NAA16: variants seen among roughly 807,000 people sequenced by gnomAD.
NAA16 encodes the protein N-alpha-acetyltransferase 16, NatA auxiliary subunit.
NAA16 carries 97 observed loss-of-function variants against 110.3 expected under a neutral mutation model. The observed-to-expected ratio is 0.88, with a 90% CI of 0.75 to 1.04. The LOEUF (loss-of-function observed/expected upper bound fraction) is 1.04, where lower values mean the gene tolerates loss of function less well. NAA16 is among the 50% of genes least tolerant of loss of function. The pLI is 0.00. For synonymous variants in NAA16, 372 were observed against 330.6 expected, an observed-to-expected ratio of 1.13 and a Z score of -1.36; for missense variants, 1,017 against 1,005.1, an observed-to-expected ratio of 1.01 and a Z score of -0.16.
At chr13:41,319,337 T>C (rs2041887353) in intron 3 of NAA16, among the ~76,000 whole-genome samples, 1 of 152,224 alleles carries the variant, frequency 6.6e-6, no homozygotes, top group African/African-American at 2.4e-5. Context: ...TCTTAAACTT[T>C]CTTTTAGACA....
intron 15 of NAA16, among the ~76,000 whole-genome samples, chr13:41,371,164 G>A (rs2043308978): frequency 6.6e-6 from 1 of 152,208 alleles, no homozygotes; most frequent in Non-Finnish European, 1.5e-5. Flanking sequence ...CAACTTGATG[G>A]AGATGAGTGC....
Position 41,346,295 on chromosome 13 carries a change from C to T in NAA16, c.1015-8849C>T, listed in dbSNP as rs375502608. 2.1e-4 allele frequency among the ~76,000 whole-genome samples: 32 copies of T among 152,286 alleles called. No homozygotes were observed. In the East Asian group the frequency reaches 5.2e-3, roughly 25 times the overall value. On this transcript the variant is annotated intron_variant, in intron 9 of 19. Coordinates refer to ENST00000379406, the MANE Select transcript of NAA16 (RefSeq NM_024561.5). Reference sequence around the variant, plus strand: ...GTCTAAAAAAGATTAACCATAAATGCGAGGGTTCACCTCTGGACTCTCAAG... The same window carrying T: ...GTCTAAAAAAGATTAACCATAAATGTGAGGGTTCACCTCTGGACTCTCAAG...
intron 1 of NAA16, among the ~76,000 whole-genome samples, chr13:41,314,503 C>G (rs1038616028): frequency 6.6e-6 from 1 of 152,158 alleles, no homozygotes; most frequent in African/African-American, 2.4e-5. Context: ...AGTTCCCTTC[C>G]CCAGAGGCTG....
intron 14 of NAA16, 59 bp from the exon 15 acceptor site, chr13:41,369,028 CAGA>C: frequency 1.4e-6 from 2 of 1,417,626 alleles, no homozygotes; most frequent in Admixed American, 4.7e-5. Flanking sequence ...GTATGTATTA[CAGA>C]AGAATATGAA....
chr13:41,330,205 T>G (rs2042201328), intron 7 of NAA16, among the ~76,000 whole-genome samples: 1 of 151,940 alleles, frequency 6.6e-6, no homozygotes, highest in Non-Finnish European at 1.5e-5. Context: ...TGTTTTTGTT[T>G]TTTTACCCCC....
intron 9 of NAA16, among the ~76,000 whole-genome samples, chr13:41,339,984 T>C (rs1044554329): frequency 2.6e-5 from 4 of 152,186 alleles, no homozygotes; most frequent in Non-Finnish European, 4.4e-5. Context: ...CCCAGCTTTC[T>C]TTAATGTTGA....
intron 7 of NAA16, 61 bp from the exon 8 acceptor site, chr13:41,331,213 G>A: frequency 7.1e-6 from 7 of 979,518 alleles, no homozygotes; most frequent in South Asian, 3.2e-5. Context: ...AAGTTTGTTA[G>A]CATTTTACCA....
intron 12 of NAA16, 51 bp downstream of exon 12, chr13:41,359,013 T>C (rs2043055870): frequency 6.9e-7 from 1 of 1,458,880 alleles, no homozygotes; most frequent in South Asian, 1.4e-5. Flanking sequence ...AGACAGTTTG[T>C]GAAGTTTGTC....
chr13:41,332,786 A>C (rs886524957), intron 8 of NAA16, among the ~76,000 whole-genome samples: 2 of 31,258 alleles, frequency 6.4e-5, no homozygotes, highest in African/African-American at 3.6e-4. Flanking sequence ...ATGAAAATTA[A>C]AAATTTTTAG....
At chr13:41,366,689 T>C (rs1363862991) in intron 13 of NAA16, among the ~76,000 whole-genome samples, 1 of 152,152 alleles carries the variant, frequency 6.6e-6, no homozygotes, top group Non-Finnish European at 1.5e-5. Context: ...GTTTCAGAAC[T>C]TCTGCTAAAA....
chr13:41,330,059 T>C (rs1302053679), intron 7 of NAA16, among the ~76,000 whole-genome samples: 2 of 151,964 alleles, frequency 1.3e-5, no homozygotes, highest in African/African-American at 4.8e-5. Context: ...CTTGTTGTTC[T>C]CTACGATTAG....
intron 13 of NAA16, among the ~76,000 whole-genome samples, chr13:41,366,352 G>A (rs1167347897): frequency 3.9e-5 from 6 of 152,092 alleles, no homozygotes; most frequent in Non-Finnish European, 7.4e-5. Flanking sequence ...TGTCCTCTGC[G>A]GAGTGACTTA....
chr13:41,355,955 G>A (rs901131067), intron 10 of NAA16, among the ~76,000 whole-genome samples: 18 of 152,194 alleles, frequency 1.2e-4, no homozygotes, highest in Non-Finnish European at 2.2e-4. Flanking sequence ...AATGTTTTCA[G>A]TCATGCACAA....
intron 13 of NAA16, 99 bp from the exon 14 acceptor site, chr13:41,367,340 G>A: frequency 2.6e-6 from 2 of 776,646 alleles, no homozygotes; most frequent in South Asian, 1.9e-5. Context: ...AATTGTGACT[G>A]TTTAAATTGT....
Position 41,311,319 on chromosome 13 carries a change from G to C in NAA16, c.-210G>C. 1 of 553,818 alleles carries C rather than the reference G, an allele frequency of 1.8e-6. No individual in the cohort carries two copies. Among genetic ancestry groups the C allele is most frequent in the Middle Eastern group, 3.1e-4 (1 of 3,216 alleles). 34.3% of individuals were successfully genotyped at this position (553,818 alleles called of 1,614,324 possible). ...CGCTGGCCAAAAAGCGGAGCCCAGGGGAAGCGTGTCCTGCTCAGACCGCCT... is the reference window on the plus strand; with the variant it reads ...CGCTGGCCAAAAAGCGGAGCCCAGGCGAAGCGTGTCCTGCTCAGACCGCCT... On this transcript the variant is annotated 5_prime_UTR_variant, in exon 1 of 20. Coordinates refer to ENST00000379406, the MANE Select transcript of NAA16 (RefSeq NM_024561.5).
chr13:41,367,882 T>G (rs1179652832), intron 14 of NAA16, among the ~76,000 whole-genome samples: 1 of 152,162 alleles, frequency 6.6e-6, no homozygotes, highest in African/African-American at 2.4e-5. Flanking sequence ...CTTAGAATTT[T>G]TTTTATTTTT....
chr13:41,330,812 T>C (rs778542327), intron 7 of NAA16, among the ~76,000 whole-genome samples: 5 of 152,102 alleles, frequency 3.3e-5, no homozygotes, highest in East Asian at 1.9e-4. Context: ...TATCTTCTTA[T>C]ATTTTAAACA....
intron 1 of NAA16, among the ~76,000 whole-genome samples, chr13:41,315,715 G>A (rs2041790950): frequency 6.6e-6 from 1 of 152,070 alleles, no homozygotes; most frequent in Non-Finnish European, 1.5e-5. Context: ...TCATTCTTGC[G>A]GTAGCAAAGG....
intron 13 of NAA16, 31 bp downstream of exon 13, chr13:41,362,190 C>T: frequency 6.4e-7 from 1 of 1,573,388 alleles, no homozygotes; most frequent in East Asian, 2.3e-5. Flanking sequence ...CTTCAGTTTT[C>T]ACTGTAAGGT....
Sources: gnomAD v4.1 joint callset for allele counts (sites outside exome capture counted in the v4.1 genomes callset) on GRCh38, gnomAD v4.1.1 for gene constraint, MANE v1.5 for transcripts, NCBI Gene and HGNC (gene_info 2026-07-23, HGNC 2026-07-21) for gene names.